The following DCAF6 variants were observed in gnomAD, a reference collection of about 807,000 sequenced individuals.
DCAF6 encodes DDB1- and CUL4-associated factor 6.
In DCAF6, 54 loss-of-function variants were observed where a neutral mutation model predicts 125.1. That is an observed-to-expected ratio of 0.43 (90% CI 0.35 to 0.54). The LOEUF is 0.54. Among genes scored for constraint, DCAF6 ranks in the 20% least tolerant of loss-of-function variants. DCAF6 has a pLI of 0.01. For missense variants in DCAF6, 934 were observed against 1,161.7 expected, an observed-to-expected ratio of 0.80 and a Z score of 2.85; for synonymous variants, 371 against 390.4, an observed-to-expected ratio of 0.95 and a Z score of 0.58.
intron 16 of DCAF6, among the ~76,000 whole-genome samples, chr1:168,045,573 C>A (rs1370281796): frequency 6.6e-6 from 1 of 152,050 alleles, no homozygotes; most frequent in Non-Finnish European, 1.5e-5. Flanking sequence ...TGTAGATATC[C>A]AGGCCTTTAT....
At chr1:167,949,052 A>G (rs1442650218) in intron 1 of DCAF6, among the ~76,000 whole-genome samples, 2 of 152,258 alleles carry the variant, frequency 1.3e-5, no homozygotes, top group African/African-American at 4.8e-5. Context: ...TATTGAATGC[A>G]TACTTTGTGG....
chr1:168,012,405 T>C (rs1192581279), intron 10 of DCAF6, among the ~76,000 whole-genome samples: 1 of 152,218 alleles, frequency 6.6e-6, no homozygotes, highest in East Asian at 1.9e-4. Context: ...AGTACAATTT[T>C]CCTGTGGCAG....
intron 4 of DCAF6, among the ~76,000 whole-genome samples, chr1:167,985,194 TGTGTGTGTGTGTGTGTG>T (rs1016637251): frequency 4.0e-5 from 6 of 149,756 alleles, no homozygotes; most frequent in Admixed American, 2.0e-4. Flanking sequence ...CGTGTGTGTG[TGTGTGTGTGTGTGTGTG>T]GTGTGTGTGT....
At chr1:168,004,924 T>C in intron 10 of DCAF6, 131 bp downstream of exon 10, 2 of 1,056,608 alleles carry the variant, frequency 1.9e-6, no homozygotes, top group Non-Finnish European at 2.6e-6. Flanking sequence ...ATGTAATATA[T>C]GGTTATGTAA....
upstream of DCAF6, chr1:167,935,797 C>T: frequency 6.4e-7 from 1 of 1,559,624 alleles, no homozygotes; most frequent in Non-Finnish European, 8.7e-7. Flanking sequence ...TATCGAGGAG[C>T]CGGTGGTAGG....
upstream of DCAF6, among the ~76,000 whole-genome samples, chr1:167,934,398 C>T (rs975764211): frequency 6.6e-6 from 1 of 152,162 alleles, no homozygotes; most frequent in Non-Finnish European, 1.5e-5. Flanking sequence ...TAGCTCAACC[C>T]TCCTTCCCGA....
chr1:168,063,895 C>A, intron 18 of DCAF6, 136 bp downstream of exon 18: 2 of 789,346 alleles, frequency 2.5e-6, no homozygotes, highest in South Asian at 2.0e-5. Context: ...TCTCTTTATC[C>A]AACATGGTTC....
the DCAF6 span, among the ~76,000 whole-genome samples, chr1:167,884,023 T>C: frequency 2.6e-5 from 4 of 152,264 alleles, no homozygotes; most frequent in Admixed American, 6.5e-5. Context: ...GATATTTTGA[T>C]ACAGGCATGC....
At chr1:167,934,802 C>T (rs1203265630), upstream of DCAF6, among the ~76,000 whole-genome samples, 4 of 152,172 alleles carry the variant, frequency 2.6e-5, no homozygotes, top group African/African-American at 9.7e-5. Flanking sequence ...AAGTCTTAGG[C>T]TTGAAACAGA....
intron 11 of DCAF6, among the ~76,000 whole-genome samples, chr1:168,018,229 T>C (rs151289852): frequency 6.2e-4 from 95 of 152,314 alleles, no homozygotes; most frequent in African/African-American, 2.1e-3. Context: ...CCAGATGGAA[T>C]ATTATCTATT....
chr1:168,017,135 T>G (rs1266638548), intron 11 of DCAF6, among the ~76,000 whole-genome samples: 1 of 151,902 alleles, frequency 6.6e-6, no homozygotes, highest in South Asian at 2.1e-4. Flanking sequence ...ATTTTTTTTT[T>G]TCCTATGGGG....
intron 11 of DCAF6, among the ~76,000 whole-genome samples, chr1:168,021,799 A>G (rs1194224752): frequency 2.0e-5 from 3 of 152,188 alleles, no homozygotes; most frequent in Admixed American, 6.5e-5. Context: ...TATAAAATCA[A>G]TGTGAATCCA....
Position 167,991,390 on chromosome 1 carries a change from ATCTC to A in DCAF6, c.688+53_688+56del, listed in dbSNP as rs548210459. The A allele has an allele frequency of 1.7e-3, 2,530 of 1,502,724 alleles. 4 individuals carry two copies. The highest frequency in any genetic ancestry group is 2.5e-3 in the Middle Eastern group (14 of 5,572). 93.1% of individuals were successfully genotyped at this position (1,502,724 alleles called of 1,614,324 possible). A position where few individuals can be genotyped will look rare whatever the true frequency, so the allele number is the denominator to read the frequency against. On this transcript the variant is annotated intron_variant, in intron 6 of 21. Transcript: ENST00000367840. ...ATAGGACTGTCAGTTCAAAGAGTAA[ATCTC>A]TATGACATTTTCAGTTTTAAAATTT... is the stretch of plus-strand genomic sequence containing the variant.
intron 3 of DCAF6, among the ~76,000 whole-genome samples, chr1:167,969,467 A>G (rs1443631716): frequency 6.6e-6 from 1 of 152,232 alleles, no homozygotes; most frequent in Non-Finnish European, 1.5e-5. Context: ...GAGTTCATAT[A>G]TAGAGGAAGT....
rs551425419 is a variant in DCAF6, at chr1:168,008,613, A to G, written c.1378+3820A>G. Among the ~76,000 whole-genome samples, 3 of 152,216 alleles carry G rather than the reference A, an allele frequency of 2.0e-5. No homozygotes were observed. The East Asian group carries it at 5.8e-4, about 29-fold the overall frequency. ...CAGATTATATAACTTTGCTGTTTAA[A>G]TCCCTTCAGAAGTTCCTAATTGCAT... On this transcript the variant is annotated intron_variant, in intron 10 of 21. Transcript: ENST00000367840.
chr1:167,922,125 G>A, the DCAF6 span, among the ~76,000 whole-genome samples: 1 of 152,152 alleles, frequency 6.6e-6, no homozygotes, highest in African/African-American at 2.4e-5. Flanking sequence ...GTAAAACACA[G>A]TAAGAGGTAT....
intron 1 of DCAF6, among the ~76,000 whole-genome samples, chr1:167,949,433 A>AT (rs1176569136): frequency 6.6e-6 from 1 of 152,192 alleles, no homozygotes; most frequent in Non-Finnish European, 1.5e-5. Context: ...CCAAGGACAA[A>AT]TTTGTTGTTC....
chr1:167,905,234 A>G, the DCAF6 span: 1 of 1,389,002 alleles, frequency 7.2e-7, no homozygotes. Flanking sequence ...AATCTGATAT[A>G]TTCATTTGCT....
At chr1:167,937,933 G>C (rs993847366) in intron 1 of DCAF6, among the ~76,000 whole-genome samples, 2 of 152,096 alleles carry the variant, frequency 1.3e-5, no homozygotes, top group African/African-American at 2.4e-5. Flanking sequence ...CCACTTGCTA[G>C]TTAAAAAGTG....
Sources: gnomAD v4.1 joint callset for allele counts (sites outside exome capture counted in the v4.1 genomes callset) on GRCh38, gnomAD v4.1.1 for gene constraint, MANE v1.5 for transcripts, NCBI Gene and HGNC (gene_info 2026-07-23, HGNC 2026-07-21) for gene names.